Variants in GRM3 observed in about 807,000 individuals in gnomAD.
GRM3 encodes metabotropic glutamate receptor 3.
In GRM3, 26 loss-of-function variants were observed where a neutral mutation model predicts 70.5. That is an observed-to-expected ratio of 0.37 (90% CI 0.27 to 0.51). GRM3 has a LOEUF of 0.51. Among genes scored for constraint, GRM3 ranks in the 20% least tolerant of loss-of-function variants. GRM3 has a pLI of 0.93. For synonymous variants in GRM3, 443 were observed against 434.9 expected (o/e 1.02, Z -0.23); for missense variants, 859 against 1,123.8 (o/e 0.76, Z 3.37).
chr7:86,827,693 T>C (rs561246623), intron 3 of GRM3, among the ~76,000 whole-genome samples: 41 of 152,234 alleles, frequency 2.7e-4, no homozygotes, highest in African/African-American at 9.1e-4. Flanking sequence ...TTAGTATTTT[T>C]AGTAGAGAAG....
chr7:86,772,588 C>T (rs1230694341), intron 2 of GRM3, among the ~76,000 whole-genome samples: 3 of 152,038 alleles, frequency 2.0e-5, no homozygotes, highest in Non-Finnish European at 4.4e-5. Context: ...ACAGTCAGGG[C>T]CATTTTGAAT....
intron 4 of GRM3, among the ~76,000 whole-genome samples, chr7:86,846,202 A>C (rs929941928): frequency 6.6e-6 from 1 of 152,184 alleles, no homozygotes; most frequent in Non-Finnish European, 1.5e-5. Flanking sequence ...ATATCTTCCC[A>C]GAAAGCTAAG....
Position 86,786,139 on chromosome 7 carries a change from T to A in GRM3, c.469-122T>A, listed in dbSNP as rs1036603783. ...TTCATCTCAAGAACTAACAGAAAAATGTAGCCATCTAGAGTAGAGGGAAAA... is the reference window on the plus strand; with the variant it reads ...TTCATCTCAAGAACTAACAGAAAAAAGTAGCCATCTAGAGTAGAGGGAAAA... On this transcript the variant is annotated intron_variant, in intron 2 of 5. Transcript: ENST00000361669. The surrounding 1 kb of genome is among the most constrained non-coding windows in gnomAD (Gnocchi z 6.0). 1.4e-5 allele frequency: 11 copies of A among 804,644 alleles called. No individual in the cohort carries two copies. The highest frequency in any genetic ancestry group is 1.6e-5 in the Non-Finnish European group (8 of 496,444). The allele number at this position is 804,644 out of a possible 1,614,324, so 49.8% of individuals were successfully genotyped here. A position where few individuals can be genotyped will look rare whatever the true frequency, so the allele number is the denominator to read the frequency against.
At chr7:86,849,923 AAAAC>A (rs766620163) in intron 4 of GRM3, among the ~76,000 whole-genome samples, 113 of 152,280 alleles carry the variant, frequency 7.4e-4, no homozygotes, top group African/African-American at 1.9e-3. Flanking sequence ...AAGAATGTAA[AAAAC>A]AAACAAACAA....
chr7:86,729,834 G>A (rs1203934621), intron 1 of GRM3, among the ~76,000 whole-genome samples: 1 of 151,920 alleles, frequency 6.6e-6, no homozygotes, highest in Admixed American at 6.6e-5. Flanking sequence ...TCGGCCGGGC[G>A]CAGTGGCTCA....
chr7:86,683,317 A>G (rs1305467061), intron 1 of GRM3, among the ~76,000 whole-genome samples: 1 of 152,206 alleles, frequency 6.6e-6, no homozygotes, highest in Non-Finnish European at 1.5e-5. Flanking sequence ...GGAAGAGCTG[A>G]GAGTCTGGAG....
At chr7:86,766,490 T>G (rs952055345) in intron 2 of GRM3, among the ~76,000 whole-genome samples, 12 of 152,102 alleles carry the variant, frequency 7.9e-5, no homozygotes, top group African/African-American at 2.9e-4. Flanking sequence ...CTTGCAATCC[T>G]TACTTATAAG....
At chr7:86,765,980 C>T (rs867335813) in intron 2 of GRM3, among the ~76,000 whole-genome samples, 7 of 152,104 alleles carry the variant, frequency 4.6e-5, no homozygotes, top group East Asian at 1.9e-4. Context: ...CTCCTGGAAT[C>T]GATCATCTAG....
intron 1 of GRM3, among the ~76,000 whole-genome samples, chr7:86,748,947 G>T (rs564857000): frequency 3.7e-4 from 57 of 152,120 alleles, no homozygotes; most frequent in African/African-American, 1.3e-3. Flanking sequence ...TGCTGAAGAA[G>T]AATTTGTTTA....
chr7:86,740,411 T>C (rs1023029558), intron 1 of GRM3, among the ~76,000 whole-genome samples: 5 of 152,054 alleles, frequency 3.3e-5, no homozygotes, highest in African/African-American at 1.2e-4. Context: ...CAATACTCCC[T>C]TGATTCAAAA....
intron 1 of GRM3, among the ~76,000 whole-genome samples, chr7:86,670,691 A>G (rs1012021345): frequency 1.3e-5 from 2 of 152,182 alleles, no homozygotes; most frequent in African/African-American, 4.8e-5. Context: ...AATCAGATCA[A>G]TCTTCCTAGG....
intron 2 of GRM3, among the ~76,000 whole-genome samples, chr7:86,774,026 A>T (rs544338536): frequency 6.6e-6 from 1 of 152,254 alleles, no homozygotes; most frequent in East Asian, 1.9e-4. Context: ...TTCCTAAGAT[A>T]GCAGCAGTGT....
At chr7:86,725,643 T>C (rs1047897921) in intron 1 of GRM3, among the ~76,000 whole-genome samples, 3 of 152,144 alleles carry the variant, frequency 2.0e-5, no homozygotes, top group African/African-American at 4.8e-5. Flanking sequence ...GAAAATAAAG[T>C]CAGCCACAGT....
At chr7:86,780,521 A>G (rs138126647) in intron 2 of GRM3, among the ~76,000 whole-genome samples, 1 of 152,208 alleles carries the variant, frequency 6.6e-6, no homozygotes, top group Non-Finnish European at 1.5e-5. Context: ...TGGGTACCGC[A>G]TAATATCTGA....
At chr7:86,798,011 A>G (rs1797593663) in intron 3 of GRM3, among the ~76,000 whole-genome samples, 1 of 152,182 alleles carries the variant, frequency 6.6e-6, no homozygotes, top group African/African-American at 2.4e-5. Flanking sequence ...AGAAGACAAT[A>G]ATTGAGGTTT....
chr7:86,754,688 A>G (rs1009983476), intron 1 of GRM3, among the ~76,000 whole-genome samples: 1 of 152,174 alleles, frequency 6.6e-6, no homozygotes, highest in Non-Finnish European at 1.5e-5. Flanking sequence ...TGTAAAGGGT[A>G]TGGGAAAGAC....
At chr7:86,750,263 G>C (rs1459892067) in intron 1 of GRM3, among the ~76,000 whole-genome samples, 1 of 152,056 alleles carries the variant, frequency 6.6e-6, no homozygotes, top group African/African-American at 2.4e-5. Context: ...GTTTAGCTAC[G>C]CTAACTAATT....
At chr7:86,793,016 CTTT>C (rs140134217) in intron 3 of GRM3, among the ~76,000 whole-genome samples, 5,071 of 94,240 alleles carry the variant, frequency 0.054, 94 homozygotes, top group Middle Eastern at 0.15. Flanking sequence ...GGTTGGTTGC[CTTT>C]TTTTTTTTTT....
At chr7:86,656,928 C>A (rs1374105418) in intron 1 of GRM3, among the ~76,000 whole-genome samples, 2 of 152,002 alleles carry the variant, frequency 1.3e-5, no homozygotes, top group Admixed American at 6.6e-5. Flanking sequence ...TCTTGTCTGT[C>A]GTTTTTAGCA....
Sources: gnomAD v4.1 joint callset for allele counts (sites outside exome capture counted in the v4.1 genomes callset) on GRCh38, gnomAD v4.1.1 for gene constraint, Gnocchi (gnomAD v3.1) non-coding constraint, MANE v1.5 for transcripts, NCBI Gene and HGNC (gene_info 2026-07-23, HGNC 2026-07-21) for gene names.